TXNDC11: variants seen among roughly 807,000 people sequenced by gnomAD.
The protein encoded by TXNDC11 is thioredoxin domain containing 11.
A neutral mutation model predicts 78.0 loss-of-function variants in TXNDC11; 68 were observed. The observed-to-expected ratio is 0.87, with a 90% CI of 0.72 to 1.07. TXNDC11 has a LOEUF of 1.07. TXNDC11 is among the 50% of genes least tolerant of loss of function. TXNDC11 has a pLI of 0.00. For synonymous variants in TXNDC11, 571 were observed against 495.2 expected (o/e 1.15, Z -2.03); for missense variants, 1,389 against 1,221.8 (o/e 1.14, Z -2.04).
chr16:11,724,970 C>T (rs1019115808), intron 4 of TXNDC11, among the ~76,000 whole-genome samples: 1 of 152,148 alleles, frequency 6.6e-6, no homozygotes, highest in Non-Finnish European at 1.5e-5. Context: ...TGGTCTTAAA[C>T]TCCTGACCTC....
At chr16:11,688,612 G>C (rs1486918873) in intron 8 of TXNDC11, 167 bp from the exon 9 acceptor site, 3 of 567,474 alleles carry the variant, frequency 5.3e-6, no homozygotes, top group Non-Finnish European at 9.2e-6. Flanking sequence ...GTGGCATCAG[G>C]TTTAGCTCTG....
At chr16:11,702,414 T>C (rs561281326) in intron 5 of TXNDC11, among the ~76,000 whole-genome samples, 3 of 152,212 alleles carry the variant, frequency 2.0e-5, no homozygotes, top group African/African-American at 7.2e-5. Flanking sequence ...ATGCTCTTAA[T>C]CCTAGCACTT....
intron 5 of TXNDC11, among the ~76,000 whole-genome samples, chr16:11,705,391 C>T (rs1222050501): frequency 6.6e-6 from 1 of 152,170 alleles, no homozygotes; most frequent in Non-Finnish European, 1.5e-5. Context: ...AAGTCCAGAT[C>T]CCAAAGCTGT....
At chr16:11,685,022 G>C (rs1422018326) in intron 10 of TXNDC11, among the ~76,000 whole-genome samples, 4 of 152,214 alleles carry the variant, frequency 2.6e-5, no homozygotes, top group African/African-American at 9.6e-5. Flanking sequence ...TGAGGGTGCG[G>C]TAAGTGTCAT....
At chr16:11,692,708 G>C (rs1347344094) in intron 7 of TXNDC11, among the ~76,000 whole-genome samples, 1 of 152,162 alleles carries the variant, frequency 6.6e-6, no homozygotes, top group Non-Finnish European at 1.5e-5. Context: ...GGGTAGATGA[G>C]AGTGCAGGGG....
Position 11,698,050 on chromosome 16 carries a change from G to A in TXNDC11, c.1107+75C>T. On this transcript the variant is annotated intron_variant, in intron 7 of 11. Transcript: ENST00000283033. ...ATTAGCTGCCAGAGTAAATGACTGA[G>A]TGTGGGATGAGAGGAGCCAGGTAGA... 5 of 1,383,502 alleles carry A rather than the reference G, an allele frequency of 3.6e-6. No homozygotes were observed. In the Admixed American group the frequency reaches 5.1e-5, roughly 14 times the overall value. The allele number at this position is 1,383,502 out of a possible 1,614,324, so 85.7% of individuals were successfully genotyped here.
intron 1 of TXNDC11, among the ~76,000 whole-genome samples, chr16:11,741,152 G>C (rs546985996): frequency 6.6e-6 from 1 of 152,280 alleles, no homozygotes; most frequent in Admixed American, 6.5e-5. Context: ...TGCTCACTGA[G>C]AGTTATTATA....
In TXNDC11 at chr16:11,679,770, A is replaced by G. The variant is rs2050372704; in HGVS notation, c.2302T>C (p.Leu768=). ...CTGGAAGCAGGGTCTGAGTGATGCA[A>G]AATGAACCTCAACAGGTTTGGAAGG... ...ITLPNLLRFI[L]HHSDPASSPQ... Residue 768 remains leucine (L), a synonymous_variant, in exon 12 of 12, where the codon TTG becomes CTG. Coordinates refer to ENST00000283033, the MANE Select transcript of TXNDC11 (RefSeq NM_015914.7). The surrounding 1 kb of genome is among the most constrained non-coding windows in gnomAD (Gnocchi z 4.6). 8 of 1,614,020 alleles carry G rather than the reference A, an allele frequency of 5.0e-6. No homozygotes were observed. Among genetic ancestry groups the G allele is most frequent in the Non-Finnish European group, 6.8e-6 (8 of 1,180,024 alleles).
At chr16:11,703,373 A>C (rs146518141) in intron 5 of TXNDC11, among the ~76,000 whole-genome samples, 132 of 152,314 alleles carry the variant, frequency 8.7e-4, no homozygotes, top group Middle Eastern at 3.4e-3. Context: ...CTTTGTGGTA[A>C]GTACATTATA....
At chr16:11,717,738 C>T (rs1362103280) in intron 5 of TXNDC11, among the ~76,000 whole-genome samples, 21 of 151,610 alleles carry the variant, frequency 1.4e-4, no homozygotes, top group African/African-American at 5.1e-4. Context: ...GGAGAATCAC[C>T]TGAACCTCGG....
chr16:11,682,582 T>G (rs1383002005), intron 11 of TXNDC11, among the ~76,000 whole-genome samples: 1 of 152,168 alleles, frequency 6.6e-6, no homozygotes, highest in Non-Finnish European at 1.5e-5. Flanking sequence ...ACTTCTTCAT[T>G]AAAAGGCATG....
At chr16:11,713,505 C>T (rs2051429899) in intron 5 of TXNDC11, among the ~76,000 whole-genome samples, 1 of 151,956 alleles carries the variant, frequency 6.6e-6, no homozygotes, top group Non-Finnish European at 1.5e-5. Context: ...CAACCTCCAC[C>T]TCCCAGGTTC....
At chr16:11,684,669 A>G (rs16958550) in intron 10 of TXNDC11, among the ~76,000 whole-genome samples, 5,978 of 129,692 alleles carry the variant, frequency 0.046, 416 homozygotes, top group African/African-American at 0.14. Context: ...CTGGATAGAG[A>G]CCAAAAACAG....
rs751935587 is a variant in TXNDC11, at chr16:11,742,722, T to G, written c.9A>C (p.Glu3Asp). Reference protein sequence around the residue: MSECGGRGGGSSS... With the variant: MSDCGGRGGGSSS... ...TGCTGCCGCCGCCGCGGCCTCCGCA[T>G]TCCGACATTACATGCTCCCAGTCGC... Residue 3 changes from glutamate to aspartate, a missense_variant, in exon 1 of 12, where the codon GAA becomes GAC. Coordinates refer to ENST00000283033, the MANE Select transcript of TXNDC11 (RefSeq NM_015914.7). The G allele has an allele frequency of 5.4e-6, 8 of 1,482,346 alleles. No individual in the cohort carries two copies. The highest frequency in any genetic ancestry group is 7.1e-6 in the Non-Finnish European group (8 of 1,126,174). 91.8% of individuals were successfully genotyped at this position (1,482,346 alleles called of 1,614,324 possible).
chr16:11,722,742 T>C (rs1188295283), intron 4 of TXNDC11, among the ~76,000 whole-genome samples: 1 of 152,210 alleles, frequency 6.6e-6, no homozygotes, highest in African/African-American at 2.4e-5. Flanking sequence ...CACTACACTC[T>C]ATATTAGTAA....
chr16:11,682,180 C>G (rs2050440498), intron 11 of TXNDC11, among the ~76,000 whole-genome samples: 1 of 152,242 alleles, frequency 6.6e-6, no homozygotes, highest in Non-Finnish European at 1.5e-5. Context: ...AAGCTGTCAG[C>G]TCACGCTGCT....
chr16:11,692,108 A>C (rs2050738876), intron 7 of TXNDC11, 26 bp from the exon 8 acceptor site: 1 of 1,509,738 alleles, frequency 6.6e-7, no homozygotes, highest in Non-Finnish European at 8.9e-7. Context: ...GAGTTGGTGA[A>C]GGGCTTGGGG....
intron 1 of TXNDC11, chr16:11,742,090 C>A (rs3743586): frequency 0.3 from 63,310 of 211,116 alleles, 11,660 homozygotes; most frequent in Non-Finnish European, 0.39. Context: ...GTCTGGAACT[C>A]TCGCAAGGTT....
chr16:11,720,145 A>G (rs1204527068), intron 5 of TXNDC11, among the ~76,000 whole-genome samples: 1 of 152,200 alleles, frequency 6.6e-6, no homozygotes, highest in East Asian at 1.9e-4. Context: ...GAGAGAGCAT[A>G]CAACAACATA....
Sources: gnomAD v4.1 joint callset for allele counts (sites outside exome capture counted in the v4.1 genomes callset) on GRCh38, gnomAD v4.1.1 for gene constraint, Gnocchi (gnomAD v3.1) non-coding constraint, MANE v1.5 for transcripts, NCBI Gene and HGNC (gene_info 2026-07-23, HGNC 2026-07-21) for gene names.